LIN28B: variants seen among roughly 807,000 people sequenced by gnomAD.
The protein encoded by LIN28B is protein lin-28 homolog B.
In LIN28B, 5 loss-of-function variants were observed where a neutral mutation model predicts 21.9. The ratio of observed to expected loss-of-function variants is 0.23; its 90% CI spans 0.12 to 0.48. The LOEUF (loss-of-function observed/expected upper bound fraction) is 0.48. Among genes scored for constraint, LIN28B ranks in the 20% least tolerant of loss-of-function variants. LIN28B has a pLI of 0.98. For synonymous variants in LIN28B, 109 were observed against 111.3 expected (o/e 0.98, Z 0.13); for missense variants, 245 against 310.5 (o/e 0.79, Z 1.58).
At chr6:105,023,237 A>T (rs1337539615) in intron 2 of LIN28B, among the ~76,000 whole-genome samples, 4 of 95,688 alleles carry the variant, frequency 4.2e-5, no homozygotes, top group Non-Finnish European at 5.9e-5. Flanking sequence ...AATATATATT[A>T]TATTATATAT....
At chr6:105,005,546 T>G (rs1348415928) in intron 2 of LIN28B, among the ~76,000 whole-genome samples, 1 of 152,178 alleles carries the variant, frequency 6.6e-6, no homozygotes, top group African/African-American at 2.4e-5. Flanking sequence ...CTCATGATAG[T>G]GAGTTCTCTT....
At chr6:105,062,685 G>A (rs1772145802) in intron 3 of LIN28B, among the ~76,000 whole-genome samples, 1 of 151,762 alleles carries the variant, frequency 6.6e-6, no homozygotes, top group Non-Finnish European at 1.5e-5. Flanking sequence ...TACTGATTCA[G>A]TTTTCAAATA....
chr6:105,060,012 TC>T (rs1326691232), intron 3 of LIN28B, among the ~76,000 whole-genome samples: 2 of 151,634 alleles, frequency 1.3e-5, no homozygotes, highest in Non-Finnish European at 2.9e-5. Context: ...CAAGCGATTC[TC>T]CTGCCTCAGC....
intron 2 of LIN28B, among the ~76,000 whole-genome samples, chr6:104,992,170 C>T (rs955119892): frequency 1.3e-5 from 2 of 151,792 alleles, no homozygotes; most frequent in Non-Finnish European, 2.9e-5. Flanking sequence ...AAGTGATTCT[C>T]CTGCCTCAGC....
intron 2 of LIN28B, among the ~76,000 whole-genome samples, chr6:104,996,233 A>G (rs944613448): frequency 6.6e-6 from 1 of 152,212 alleles, no homozygotes. Context: ...TATCTTAACA[A>G]TTCTTATCTA....
chr6:104,994,465 C>A (rs1285213907), intron 2 of LIN28B, among the ~76,000 whole-genome samples: 2 of 152,118 alleles, frequency 1.3e-5, no homozygotes, highest in East Asian at 3.8e-4. Flanking sequence ...AAAATGGATT[C>A]AGTCATGGGC....
At chr6:104,952,459 G>A (rs1198359591), upstream of LIN28B, among the ~76,000 whole-genome samples, 1 of 152,032 alleles carries the variant, frequency 6.6e-6, no homozygotes, top group Admixed American at 6.6e-5. Flanking sequence ...CTGCTTATTG[G>A]GAGAGAAGTA....
At chr6:105,020,530 G>A (rs1771117738) in intron 2 of LIN28B, among the ~76,000 whole-genome samples, 1 of 151,756 alleles carries the variant, frequency 6.6e-6, no homozygotes, top group African/African-American at 2.4e-5. Context: ...TGTTGCACAG[G>A]CTGGCCTAGA....
At chr6:104,957,347 C>CG in intron 1 of LIN28B, 87 bp downstream of exon 1, 2 of 744,072 alleles carry the variant, frequency 2.7e-6, no homozygotes, top group Non-Finnish European at 4.1e-6. Flanking sequence ...TTAGACCGTC[C>CG]CCCCCTTCCC....
At chr6:104,991,662 G>A (rs928357702) in intron 2 of LIN28B, among the ~76,000 whole-genome samples, 4 of 152,004 alleles carry the variant, frequency 2.6e-5, no homozygotes, top group East Asian at 1.9e-4. Flanking sequence ...CAAGGCAGGC[G>A]GCTGGGAGGT....
At chr6:105,057,023 A>T (rs1338285651) in intron 3 of LIN28B, among the ~76,000 whole-genome samples, 1 of 152,208 alleles carries the variant, frequency 6.6e-6, no homozygotes, top group Admixed American at 6.5e-5. Flanking sequence ...CAGAAGAGTA[A>T]GTCTAATAAG....
intron 2 of LIN28B, among the ~76,000 whole-genome samples, chr6:104,989,176 C>A (rs1013587340): frequency 7.9e-5 from 12 of 151,918 alleles, no homozygotes; most frequent in African/African-American, 2.9e-4. Flanking sequence ...TTGATTTCTG[C>A]TCTTGAGTAT....
chr6:105,043,341 CAAAAAAAAAA>C lies in LIN28B; in HGVS notation c.383+16881_383+16890del, dbSNP rs57532096. The stretch of plus-strand genomic sequence containing the variant: ...AGAGCAACAGAGTGAGACTCTGTCT[CAAAAAAAAAA>C]AAAAAAAAAAAAAAAAAAAAAGAAA... On this transcript the variant is annotated intron_variant, in intron 3 of 3. Transcript: ENST00000345080. Among the ~76,000 whole-genome samples the C allele has an allele frequency of 3.2e-4, 24 of 75,388 alleles. No individual in the cohort carries two copies. In the South Asian group the frequency reaches 5.1e-3, roughly 16 times the overall value. 49.5% of individuals were successfully genotyped at this position (75,388 alleles called of 152,430 possible).
intron 2 of LIN28B, among the ~76,000 whole-genome samples, chr6:104,991,660 G>A (rs1191076109): frequency 6.6e-6 from 1 of 152,174 alleles, no homozygotes; most frequent in Non-Finnish European, 1.5e-5. Flanking sequence ...GCCAAGGCAG[G>A]CGGCTGGGAG....
chr6:105,042,637 GT>G lies in LIN28B; in HGVS notation c.383+16165del, dbSNP rs746546307. Among the ~76,000 whole-genome samples, 501 of 146,790 alleles carry G rather than the reference GT, an allele frequency of 3.4e-3. 1 individual carries two copies. Among genetic ancestry groups the G allele is most frequent in the Non-Finnish European group, 4.2e-3 (281 of 66,302 alleles). The stretch of plus-strand genomic sequence containing the variant: ...TCAGATGTGACTGTCTTCTTTCACT[GT>G]TTTTTTTTTCTATTTAGTTTCAAAA... On this transcript the variant is annotated intron_variant, in intron 3 of 3. Coordinates refer to ENST00000345080, the MANE Select transcript of LIN28B (RefSeq NM_001004317.4).
chr6:104,998,245 C>G (rs989047282), intron 2 of LIN28B, among the ~76,000 whole-genome samples: 2 of 152,056 alleles, frequency 1.3e-5, no homozygotes, highest in Non-Finnish European at 2.9e-5. Context: ...TAAAATTTAA[C>G]CTATTATGTA....
At chr6:105,060,037 G>A (rs1270441429) in intron 3 of LIN28B, among the ~76,000 whole-genome samples, 1 of 151,842 alleles carries the variant, frequency 6.6e-6, no homozygotes, top group Non-Finnish European at 1.5e-5. Flanking sequence ...CCGAGTAGCT[G>A]AGATTACAGA....
chr6:105,024,164 A>T (rs1201061438), intron 2 of LIN28B, among the ~76,000 whole-genome samples: 2 of 151,720 alleles, frequency 1.3e-5, no homozygotes, highest in Admixed American at 1.3e-4. Flanking sequence ...AATTTTTTGT[A>T]TTTTTTTAGT....
At chr6:105,062,630 A>C (rs1324641640) in intron 3 of LIN28B, among the ~76,000 whole-genome samples, 1 of 152,142 alleles carries the variant, frequency 6.6e-6, no homozygotes, top group Non-Finnish European at 1.5e-5. Context: ...CGTTGAATGC[A>C]AGTAATTCTG....
Sources: gnomAD v4.1 joint callset for allele counts (sites outside exome capture counted in the v4.1 genomes callset) on GRCh38, gnomAD v4.1.1 for gene constraint, MANE v1.5 for transcripts, NCBI Gene and HGNC (gene_info 2026-07-23, HGNC 2026-07-21) for gene names.